The following PI4KA variants were observed in gnomAD, a reference collection of about 807,000 sequenced individuals.
PI4KA encodes PI4-kinase alpha.
Under a neutral mutation model 271.4 loss-of-function variants are expected in PI4KA, and 122 were observed. That is an observed-to-expected ratio of 0.45 (90% CI 0.39 to 0.52). The LOEUF (loss-of-function observed/expected upper bound fraction) is 0.52. Ranked by LOEUF, PI4KA falls within the 20% of genes least tolerant of loss-of-function variation. The pLI, the probability that PI4KA is intolerant of heterozygous loss-of-function variation, is 0.00. For missense variants in PI4KA, 1,969 were observed against 2,769.1 expected, an observed-to-expected ratio of 0.71 and a Z score of 6.48; for synonymous variants, 1,041 against 1,078.8, an observed-to-expected ratio of 0.96 and a Z score of 0.69.
At chr22:20,746,126 G>A (rs1485714893) in intron 29 of PI4KA, among the ~76,000 whole-genome samples, 7 of 143,884 alleles carry the variant, frequency 4.9e-5, no homozygotes, top group Non-Finnish European at 1.0e-4. Context: ...GCAGTGGCGG[G>A]ATCTCGGCTC....
chr22:20,838,128 A>G (rs1306081767), intron 2 of PI4KA, among the ~76,000 whole-genome samples: 1 of 152,106 alleles, frequency 6.6e-6, no homozygotes, highest in African/African-American at 2.4e-5. Context: ...CTCAAAAAAA[A>G]AAAAAACAAG....
chr22:20,815,400 A>G (rs1461372547), intron 7 of PI4KA, among the ~76,000 whole-genome samples: 1 of 145,800 alleles, frequency 6.9e-6, no homozygotes, highest in Non-Finnish European at 1.5e-5. Flanking sequence ...AAAAAAAAAA[A>G]CAAATCAAAA....
intron 3 of PI4KA, among the ~76,000 whole-genome samples, chr22:20,833,248 G>A (rs1481998615): frequency 6.6e-6 from 1 of 152,176 alleles, no homozygotes; most frequent in East Asian, 1.9e-4. Context: ...CTGAGGTTGA[G>A]AACATGCAGC....
intron 17 of PI4KA, among the ~76,000 whole-genome samples, chr22:20,796,818 C>G (rs1327453223): frequency 6.6e-6 from 1 of 152,230 alleles, no homozygotes; most frequent in Non-Finnish European, 1.5e-5. Context: ...CAATGCTCAG[C>G]AAGTGTTCCA....
intron 11 of PI4KA, among the ~76,000 whole-genome samples, chr22:20,804,757 T>A (rs1486508537): frequency 6.6e-6 from 1 of 152,158 alleles, no homozygotes; most frequent in Non-Finnish European, 1.5e-5. Context: ...ATCCCCATCC[T>A]CCCAGGTCCA....
At chr22:20,845,743 T>TATAC (rs1195743783) in intron 1 of PI4KA, among the ~76,000 whole-genome samples, 1 of 152,180 alleles carries the variant, frequency 6.6e-6, no homozygotes, top group Non-Finnish European at 1.5e-5. Context: ...GAAGTGCCTG[T>TATAC]AATCCCAGCT....
intron 19 of PI4KA, among the ~76,000 whole-genome samples, chr22:20,788,742 C>T (rs938935794): frequency 3.3e-5 from 5 of 152,204 alleles, no homozygotes; most frequent in African/African-American, 1.2e-4. Context: ...CTTCACCCCT[C>T]TTCTTTTCTG....
intron 19 of PI4KA, chr22:20,780,241 C>T: frequency 6.2e-7 from 1 of 1,613,802 alleles, no homozygotes; most frequent in Non-Finnish European, 8.5e-7. Context: ...AAACCCACAA[C>T]ATACTATTTT....
intron 19 of PI4KA, chr22:20,787,804 G>C (rs938569568): frequency 6.5e-6 from 1 of 154,804 alleles, no homozygotes; most frequent in Non-Finnish European, 1.4e-5. Context: ...TATGATAAAG[G>C]CTGAGAGGAA....
chr22:20,746,219 T>C (rs577275023), intron 29 of PI4KA, among the ~76,000 whole-genome samples: 75 of 151,814 alleles, frequency 4.9e-4, no homozygotes, highest in South Asian at 1.0e-3. Context: ...CCTGCCACCA[T>C]GCCCGGCTAA....
chr22:20,712,107 G>C (rs1281297744), intron 50 of PI4KA, among the ~76,000 whole-genome samples: 2 of 149,294 alleles, frequency 1.3e-5, no homozygotes, highest in South Asian at 2.1e-4. Flanking sequence ...GCCCAGGCTG[G>C]AGTGCAGTGG....
intron 1 of PI4KA, among the ~76,000 whole-genome samples, chr22:20,854,080 C>A (rs989809820): frequency 2.6e-5 from 4 of 152,014 alleles, no homozygotes; most frequent in African/African-American, 9.7e-5. Flanking sequence ...GGGCCTAGCA[C>A]ATACCAAGGA....
intron 36 of PI4KA, among the ~76,000 whole-genome samples, chr22:20,731,567 G>A (rs1314911629): frequency 1.3e-5 from 2 of 151,988 alleles, no homozygotes; most frequent in South Asian, 2.1e-4. Flanking sequence ...AGGCTGAGGC[G>A]GGCGGATCAG....
chr22:20,722,968 A>G (rs750603419), intron 42 of PI4KA, among the ~76,000 whole-genome samples: 14 of 152,110 alleles, frequency 9.2e-5, no homozygotes, highest in African/African-American at 3.1e-4. Context: ...AATATGGTAC[A>G]TATCTGTCAG....
At position 20,751,727 on chromosome 22, in the gene PI4KA, C is replaced by T. The variant is rs867610407; in HGVS notation, c.3016G>A (p.Val1006Met). 6.2e-7 allele frequency: 1 copy of T among 1,614,134 alleles called. No homozygotes were observed. Among genetic ancestry groups the T allele is most frequent in the Non-Finnish European group, 8.5e-7 (1 of 1,179,992 alleles). The change falls in exon 26 of 55, where the codon GTG (valine) becomes ATG (methionine). Residue 1006 changes from valine (V) to methionine (M), a missense_variant. Physicochemically the swap from Val to Met is conservative, Grantham distance 21. Transcript: ENST00000255882. ...KFPHLLWSGT[V>M]LKTMLDILQT... The stretch of plus-strand genomic sequence containing the variant: ...AGGATGTCCAGCATGGTCTTCAGCA[C>T]AGTCCCGCTCCAGAGCAAGTGGGGA...
At chr22:20,738,901 A>G (rs1183087413) in intron 32 of PI4KA, among the ~76,000 whole-genome samples, 2 of 152,136 alleles carry the variant, frequency 1.3e-5, no homozygotes, top group East Asian at 1.9e-4. Context: ...AGGAGCCACC[A>G]GACATAAGAA....
At position 20,815,396 on chromosome 22, in the gene PI4KA, A is replaced by C. The variant is rs1264992980; in HGVS notation, c.857-1890T>G. 6.6e-5 allele frequency among the ~76,000 whole-genome samples: 10 copies of C among 151,812 alleles called. No homozygotes were observed. The South Asian group carries it at 1.7e-3, about 25-fold the overall frequency. ...CTGCGTCTCAAAAAAAAAAAAAAAA[A>C]AAAACAAATCAAAACAAACAAACAA... On this transcript the variant is annotated intron_variant, in intron 7 of 54. Coordinates refer to ENST00000255882, the MANE Select transcript of PI4KA (RefSeq NM_058004.4).
intron 1 of PI4KA, among the ~76,000 whole-genome samples, chr22:20,856,237 G>A (rs1927582344): frequency 6.6e-6 from 1 of 150,810 alleles, no homozygotes; most frequent in Admixed American, 6.6e-5. Context: ...GCTTGAAACT[G>A]AGAGGCAGAG....
intron 18 of PI4KA, among the ~76,000 whole-genome samples, chr22:20,793,871 C>G (rs905932041): frequency 2.0e-5 from 3 of 152,246 alleles, no homozygotes; most frequent in Non-Finnish European, 2.9e-5. Flanking sequence ...AGTAAAAATT[C>G]TGGAAGCACT....
Sources: gnomAD v4.1 joint callset for allele counts (sites outside exome capture counted in the v4.1 genomes callset) on GRCh38, gnomAD v4.1.1 for gene constraint, MANE v1.5 for transcripts, NCBI Gene and HGNC (gene_info 2026-07-23, HGNC 2026-07-21) for gene names.